The following PPP2R5C variants were observed in gnomAD, a reference collection of about 807,000 sequenced individuals.
PPP2R5C encodes serine/threonine-protein phosphatase 2A 56 kDa regulatory subunit gamma isoform.
A neutral mutation model predicts 68.9 loss-of-function variants in PPP2R5C; 7 were observed. The observed-to-expected ratio is 0.10, with a 90% CI of 0.06 to 0.19. PPP2R5C has a LOEUF of 0.19. Among genes scored for constraint, PPP2R5C ranks in the 10% least tolerant of loss-of-function variants. The probability of loss-of-function intolerance (pLI) is 1.00; values close to 1 mark genes in which losing one functional copy is unlikely to be tolerated. For synonymous variants in PPP2R5C, 210 were observed against 222.2 expected, an observed-to-expected ratio of 0.95 and a Z score of 0.49; for missense variants, 348 against 641.3, an observed-to-expected ratio of 0.54 and a Z score of 4.94.
At chr14:101,870,749 G>A (rs2043353298) in intron 2 of PPP2R5C, among the ~76,000 whole-genome samples, 1 of 152,198 alleles carries the variant, frequency 6.6e-6, no homozygotes, top group African/African-American at 2.4e-5. Context: ...TCTTAACAGT[G>A]TGAGCTTTGC....
chr14:101,818,521 G>T (rs1030146512), intron 1 of PPP2R5C: 1 of 155,432 alleles, frequency 6.4e-6, no homozygotes, highest in Non-Finnish European at 1.4e-5. Flanking sequence ...TGTAATCCCA[G>T]CTACTAGGGA....
At chr14:101,889,831 G>A (rs2044746545) in intron 5 of PPP2R5C, 1 of 379,048 alleles carries the variant, frequency 2.6e-6, no homozygotes, top group African/African-American at 2.1e-5. Flanking sequence ...GGCCTATGTT[G>A]AAATACAGCA....
chr14:101,760,723 G>C, upstream of PPP2R5C: 1 of 937,960 alleles, frequency 1.1e-6, no homozygotes, highest in Non-Finnish European at 1.2e-6. Context: ...GGAAAGCTGA[G>C]CTGGTGAGGG....
intron 1 of PPP2R5C, among the ~76,000 whole-genome samples, chr14:101,849,222 C>T (rs937267384): frequency 2.0e-5 from 3 of 152,308 alleles, no homozygotes; most frequent in Admixed American, 1.3e-4. Flanking sequence ...TCCTTTACCT[C>T]GGTTGTGATG....
intron 1 of PPP2R5C, chr14:101,818,964 C>A (rs2039880047): frequency 2.0e-6 from 3 of 1,486,180 alleles, no homozygotes; most frequent in Non-Finnish European, 2.8e-6. Flanking sequence ...TAACTTATAA[C>A]TTATGAAAAA....
At chr14:101,792,501 T>A (rs2038404873) in intron 3 of PPP2R5C, among the ~76,000 whole-genome samples, 1 of 152,266 alleles carries the variant, frequency 6.6e-6, no homozygotes, top group Non-Finnish European at 1.5e-5. Flanking sequence ...CAACCAGAGA[T>A]ACTTGGTTAT....
chr14:101,924,208 TG>T (rs1464314412), intron 13 of PPP2R5C, among the ~76,000 whole-genome samples: 1 of 152,176 alleles, frequency 6.6e-6, no homozygotes, highest in Non-Finnish European at 1.5e-5. Flanking sequence ...GCTTTTGATA[TG>T]TAAACTCTCC....
chr14:101,923,575 C>G (rs1390499307), intron 13 of PPP2R5C, among the ~76,000 whole-genome samples: 2 of 152,218 alleles, frequency 1.3e-5, no homozygotes, highest in Non-Finnish European at 2.9e-5. Flanking sequence ...CCGTGACCTT[C>G]ACCATCTCCA....
chr14:101,814,190 C>A (rs894361479), intron 1 of PPP2R5C, among the ~76,000 whole-genome samples: 2 of 152,188 alleles, frequency 1.3e-5, no homozygotes, highest in African/African-American at 4.8e-5. Context: ...CTAAACAGTT[C>A]TTCAAATAAT....
At chr14:101,867,518 C>CTG (rs1360959879) in intron 2 of PPP2R5C, among the ~76,000 whole-genome samples, 4 of 152,198 alleles carry the variant, frequency 2.6e-5, no homozygotes, top group African/African-American at 9.6e-5. Context: ...TAGCTCATGC[C>CTG]TGTAATCCCA....
chr14:101,892,993 T>C lies in PPP2R5C; in HGVS notation c.690-7T>C, dbSNP rs2045056303. On this transcript the variant is annotated splice_polypyrimidine_tract_variant and splice_region_variant and intron_variant, in intron 6 of 13. Coordinates refer to ENST00000334743, the Ensembl canonical transcript of PPP2R5C. ...ATGTTCAAACCTAATAAATGTTCTT[T>C]TTACAGTATAATTAATGGATTTGCC... The C allele has an allele frequency of 6.5e-7, 1 of 1,537,752 alleles. No individual in the cohort carries two copies. The highest frequency in any genetic ancestry group is 1.4e-5 in the African/African-American group (1 of 73,292).
At chr14:101,776,545 CGT>C (rs1400741765) in intron 2 of PPP2R5C, among the ~76,000 whole-genome samples, 4 of 152,200 alleles carry the variant, frequency 2.6e-5, no homozygotes, top group Non-Finnish European at 4.4e-5. Flanking sequence ...CCTCCCAAAG[CGT>C]GTGTGTCTCC....
At chr14:101,897,739 C>A (rs2045434649) in intron 8 of PPP2R5C, among the ~76,000 whole-genome samples, 1 of 151,842 alleles carries the variant, frequency 6.6e-6, no homozygotes, top group South Asian at 2.1e-4. Flanking sequence ...CCCAGTGCAT[C>A]CTTCAATCCA....
chr14:101,867,214 CAA>C (rs796766323), intron 2 of PPP2R5C, among the ~76,000 whole-genome samples: 4 of 131,962 alleles, frequency 3.0e-5, no homozygotes, highest in Admixed American at 7.7e-5. Context: ...GAGACTCTGT[CAA>C]AAAAAAAAAA....
At chr14:101,779,593 G>T (rs1334937912) in intron 2 of PPP2R5C, among the ~76,000 whole-genome samples, 1 of 152,082 alleles carries the variant, frequency 6.6e-6, no homozygotes, top group African/African-American at 2.4e-5. Context: ...CTGAAATAAA[G>T]GAGAGACTCA....
chr14:101,832,164 C>G (rs2040787509), intron 1 of PPP2R5C, among the ~76,000 whole-genome samples: 2 of 152,146 alleles, frequency 1.3e-5, no homozygotes, highest in Admixed American at 6.5e-5. Context: ...GAGATTTGTT[C>G]AGCAATAATA....
rs1234560255 is a variant in PPP2R5C at position 101,882,915 on chromosome 14, C to T, written c.406-342C>T. The T allele has an allele frequency of 4.5e-6, 1 of 220,134 alleles. No homozygotes were observed. The highest frequency in any genetic ancestry group is 1.9e-3 in the Middle Eastern group (1 of 528). The allele number at this position is 220,134 out of a possible 1,614,324, so 13.6% of individuals were successfully genotyped here. On this transcript the variant is annotated intron_variant, in intron 3 of 13. Coordinates refer to ENST00000334743, the Ensembl canonical transcript of PPP2R5C. This position sits in a 1 kb window ranked among gnomAD's most constrained non-coding sequence, Gnocchi z 4.9. ...CTTGGCATTGTGGGACACTCCTAGG[C>T]GACAGGCTGCAAATCCCCCCTGCAG...
intron 2 of PPP2R5C, among the ~76,000 whole-genome samples, chr14:101,866,290 G>C (rs900069360): frequency 5.3e-5 from 8 of 152,148 alleles, no homozygotes; most frequent in African/African-American, 1.7e-4. Context: ...AAAAATACAT[G>C]GTCTGAAGTA....
chr14:101,814,589 TG>T (rs2039550594), intron 1 of PPP2R5C, among the ~76,000 whole-genome samples: 1 of 152,264 alleles, frequency 6.6e-6, no homozygotes, highest in Admixed American at 6.5e-5. Flanking sequence ...GTCTAATGTC[TG>T]CTCAGGAGGT....
Sources: allele counts gnomAD v4.1 joint callset (sites outside exome capture counted in the v4.1 genomes callset), GRCh38; gene constraint gnomAD v4.1.1; non-coding constraint Gnocchi (gnomAD v3.1); transcripts MANE v1.5; gene names NCBI Gene and HGNC (gene_info 2026-07-23, HGNC 2026-07-21).